XXYLT1: variants seen among roughly 807,000 people sequenced by gnomAD.
XXYLT1 encodes the protein xyloside xylosyltransferase 1, also known as UDP-xylose:alpha-xyloside alpha-1,3-xylosyltransferase.
In XXYLT1, 20 loss-of-function variants were observed where a neutral mutation model predicts 28.9. The observed-to-expected ratio is 0.69, with a 90% confidence interval of 0.49 to 1.00. The LOEUF (loss-of-function observed/expected upper bound fraction) is 1.00. Ranked by LOEUF, XXYLT1 falls within the 50% of genes least tolerant of loss-of-function variation. The pLI, the probability that XXYLT1 is intolerant of heterozygous loss-of-function variation, is 0.00. For missense variants in XXYLT1, 542 were observed against 560.1 expected (o/e 0.97, Z 0.33); for synonymous variants, 257 against 253.8 (o/e 1.01, Z -0.12).
rs564791726 is a variant in XXYLT1, at chr3:195,209,579, C to G, written c.652+17130G>C. ...GACAGGCAGAGCCGGTGACAGGGCTCGGGCGAGGCCTTCAAGCCAGAACGG... is the reference window on the plus strand; with the variant it reads ...GACAGGCAGAGCCGGTGACAGGGCTGGGGCGAGGCCTTCAAGCCAGAACGG... On this transcript the variant is annotated intron_variant, in intron 2 of 3. Transcript: ENST00000310380. The surrounding 1 kb of genome is among the most constrained non-coding windows in gnomAD (Gnocchi z 5.0). 2.9e-4 allele frequency: 45 copies of G among 152,602 alleles called. No homozygotes were observed. Among genetic ancestry groups the G allele is most frequent in the African/African-American group, 1.0e-3 (43 of 41,570 alleles). The allele number at this position is 152,602 out of a possible 1,614,324, so 9.5% of individuals were successfully genotyped here. A position where few individuals can be genotyped will look rare whatever the true frequency, so the allele number is the denominator to read the frequency against.
At chr3:195,197,193 T>G (rs926595491) in intron 2 of XXYLT1, among the ~76,000 whole-genome samples, 1 of 152,212 alleles carries the variant, frequency 6.6e-6, no homozygotes, top group African/African-American at 2.4e-5. Flanking sequence ...TCCCAGCACT[T>G]TGGGAGGCCA....
intron 2 of XXYLT1, among the ~76,000 whole-genome samples, chr3:195,208,304 T>C (rs958571019): frequency 6.6e-6 from 1 of 151,590 alleles, no homozygotes; most frequent in African/African-American, 2.4e-5. Context: ...TCACATCTGT[T>C]CCCCTCCCCT....
At chr3:195,164,584 A>T (rs1721023142) in intron 2 of XXYLT1, among the ~76,000 whole-genome samples, 1 of 152,248 alleles carries the variant, frequency 6.6e-6, no homozygotes, top group Non-Finnish European at 1.5e-5. Context: ...AGAGGTGGCC[A>T]GATACCAGCA....
At chr3:195,088,170 G>T (rs1715876318) in intron 3 of XXYLT1, among the ~76,000 whole-genome samples, 1 of 151,654 alleles carries the variant, frequency 6.6e-6, no homozygotes, top group Non-Finnish European at 1.5e-5. Flanking sequence ...GCTCGAACTG[G>T]GTGGAGCCCA....
chr3:195,110,910 G>GGT (rs1347250323), intron 3 of XXYLT1, among the ~76,000 whole-genome samples: 448 of 38,244 alleles, frequency 0.012, 40 homozygotes, highest in African/African-American at 0.035. Context: ...TGAGGTGTGT[G>GGT]GTGTGTGTGT....
chr3:195,088,208 C>G (rs1359159376), intron 3 of XXYLT1, among the ~76,000 whole-genome samples: 1 of 151,614 alleles, frequency 6.6e-6, no homozygotes, highest in Non-Finnish European at 1.5e-5. Context: ...CTGCCTGCCT[C>G]TGTAGGCTCC....
chr3:195,181,703 A>G (rs1721961669), intron 2 of XXYLT1, among the ~76,000 whole-genome samples: 1 of 152,160 alleles, frequency 6.6e-6, no homozygotes. Flanking sequence ...CAAGTGGTTA[A>G]GTGCCCACAG....
intron 3 of XXYLT1, among the ~76,000 whole-genome samples, chr3:195,140,123 T>A (rs2108645176): frequency 6.6e-6 from 1 of 152,340 alleles, no homozygotes; most frequent in African/African-American, 2.4e-5. Context: ...AAGCAGCTCT[T>A]GGGAATTTCT....
intron 2 of XXYLT1, among the ~76,000 whole-genome samples, chr3:195,179,760 AC>A (rs747296088): frequency 6.6e-6 from 1 of 152,174 alleles, no homozygotes; most frequent in Non-Finnish European, 1.5e-5. Flanking sequence ...TGAGAAAAGC[AC>A]AAAAAAGGTG....
At chr3:195,157,507 G>T (rs1720665920) in intron 2 of XXYLT1, among the ~76,000 whole-genome samples, 1 of 152,138 alleles carries the variant, frequency 6.6e-6, no homozygotes, top group Non-Finnish European at 1.5e-5. Context: ...CAATCACCTG[G>T]CACCTAAGAG....
intron 3 of XXYLT1, among the ~76,000 whole-genome samples, chr3:195,135,805 T>C (rs1216627420): frequency 1.3e-5 from 2 of 152,088 alleles, no homozygotes. Context: ...GATGGACGGA[T>C]GGACAGACGG....
At chr3:195,218,157 A>G (rs1298856299) in intron 2 of XXYLT1, among the ~76,000 whole-genome samples, 1 of 146,520 alleles carries the variant, frequency 6.8e-6, no homozygotes, top group African/African-American at 2.6e-5. Context: ...TTATACAAAA[A>G]TCAATTCAAG....
At chr3:195,235,388 A>G (rs1234530851) in intron 1 of XXYLT1, among the ~76,000 whole-genome samples, 1 of 152,154 alleles carries the variant, frequency 6.6e-6, no homozygotes, top group East Asian at 1.9e-4. Context: ...TGTTTGTTAA[A>G]TTTATCTGAT....
At chr3:195,158,799 C>A (rs369214408) in intron 2 of XXYLT1, among the ~76,000 whole-genome samples, 1 of 152,198 alleles carries the variant, frequency 6.6e-6, no homozygotes, top group South Asian at 2.1e-4. Flanking sequence ...TGAAATAAGA[C>A]GCCAAGTTGT....
At chr3:195,071,664 G>A (rs960649626) in intron 3 of XXYLT1, among the ~76,000 whole-genome samples, 5 of 136,392 alleles carry the variant, frequency 3.7e-5, no homozygotes, top group African/African-American at 1.3e-4. Context: ...AAAAGTCTGC[G>A]GTGATAGGGT....
intron 1 of XXYLT1, among the ~76,000 whole-genome samples, chr3:195,243,174 C>T (rs953825450): frequency 6.6e-6 from 1 of 151,678 alleles, no homozygotes; most frequent in African/African-American, 2.4e-5. Context: ...AACACTTGGA[C>T]ACAGCAAGGG....
chr3:195,228,632 A>G (rs111948225), intron 1 of XXYLT1, among the ~76,000 whole-genome samples: 6,139 of 149,556 alleles, frequency 0.041, 370 homozygotes, highest in African/African-American at 0.13. Context: ...GGGACTACAG[A>G]CGCCCGCCAC....
intron 3 of XXYLT1, among the ~76,000 whole-genome samples, chr3:195,143,751 T>G (rs1296709536): frequency 6.9e-6 from 1 of 145,380 alleles, no homozygotes; most frequent in Non-Finnish European, 1.5e-5. Flanking sequence ...GATGATCACC[T>G]TTTCTTTTGA....
intron 2 of XXYLT1, chr3:195,183,563 G>T (rs1373934344): frequency 6.6e-6 from 1 of 152,172 alleles, no homozygotes; most frequent in Non-Finnish European, 1.5e-5. Context: ...GGCTACGATT[G>T]GTCTGTCCTT....
Sources: allele counts gnomAD v4.1 joint callset (sites outside exome capture counted in the v4.1 genomes callset), GRCh38; gene constraint gnomAD v4.1.1; non-coding constraint Gnocchi (gnomAD v3.1); transcripts MANE v1.5; gene names NCBI Gene and HGNC (gene_info 2026-07-23, HGNC 2026-07-21).